NCMAP: variants seen among roughly 807,000 people sequenced by gnomAD.
NCMAP encodes the protein non-compact myelin associated protein.
NCMAP carries 8 observed loss-of-function variants against 7.8 expected under a neutral mutation model. The ratio of observed to expected loss-of-function variants is 1.02; its 90% CI spans 0.60 to 1.84. The LOEUF (loss-of-function observed/expected upper bound fraction) is 1.84. NCMAP is among the 40% of genes most tolerant of loss of function. NCMAP has a pLI of 0.00. For missense variants in NCMAP, 112 were observed against 131.4 expected, an observed-to-expected ratio of 0.85 and a Z score of 0.72; for synonymous variants, 41 against 52.9, an observed-to-expected ratio of 0.78 and a Z score of 0.98.
At chr1:24,563,644 T>C (rs1273601159) in intron 1 of NCMAP, 1 of 152,028 alleles carries the variant, frequency 6.6e-6, no homozygotes, top group Non-Finnish European at 1.5e-5. Context: ...CAGCTTCCCA[T>C]ATTTACAGGA....
intron 1 of NCMAP, 58 bp from the exon 2 acceptor site, chr1:24,595,366 G>T: frequency 8.2e-7 from 1 of 1,225,292 alleles, no homozygotes; most frequent in Non-Finnish European, 1.2e-6. Flanking sequence ...GAGGCATCAA[G>T]TAGCAATAAT....
At chr1:24,560,212 C>T (rs1651010133) in intron 1 of NCMAP, among the ~76,000 whole-genome samples, 1 of 148,178 alleles carries the variant, frequency 6.7e-6, no homozygotes. Context: ...TCTGAAGAAA[C>T]TTGTGTCTGG....
At position 24,595,527 on chromosome 1, in the gene NCMAP, G is replaced by T. The variant is rs1450810806; in HGVS notation, c.82+15G>T. On this transcript the variant is annotated intron_variant, in intron 2 of 3. Coordinates refer to ENST00000374392, the MANE Select transcript of NCMAP (RefSeq NM_001010980.5). Reference sequence around the variant, plus strand: ...CCTGTATAAGAGTAAGGTCAAATTCGCTTAGAGGCTGGGGGAAGGATGGCA... The same window carrying T: ...CCTGTATAAGAGTAAGGTCAAATTCTCTTAGAGGCTGGGGGAAGGATGGCA... 1.3e-6 allele frequency: 2 copies of T among 1,593,118 alleles called. No individual in the cohort carries two copies. Among genetic ancestry groups the T allele is most frequent in the Non-Finnish European group, 1.7e-6 (2 of 1,161,264 alleles).
Position 24,605,806 on chromosome 1 carries a change from A to G in NCMAP, c.*59A>G, listed in dbSNP as rs1652706561. 6.3e-7 allele frequency: 1 copy of G among 1,588,198 alleles called. No homozygotes were observed. Among genetic ancestry groups the G allele is most frequent in the South Asian group, 1.1e-5 (1 of 89,904 alleles). On this transcript the variant is annotated 3_prime_UTR_variant, in exon 4 of 4. Coordinates refer to ENST00000374392, the MANE Select transcript of NCMAP (RefSeq NM_001010980.5). Reference sequence around the variant, plus strand: ...AAGAGCCTCTCCAGAGTCAAGACCCAGAGGCACACTCTCTGGCAGCTTCAC... The same window carrying G: ...AAGAGCCTCTCCAGAGTCAAGACCCGGAGGCACACTCTCTGGCAGCTTCAC...
At chr1:24,565,585 T>C (rs1002381908) in intron 1 of NCMAP, among the ~76,000 whole-genome samples, 1 of 122,556 alleles carries the variant, frequency 8.2e-6, no homozygotes, top group African/African-American at 3.3e-5. Context: ...TGTGTGTGTG[T>C]GTGTGTGTGT....
Position 24,578,541 on chromosome 1 carries a change from G to GTTTTCT in NCMAP, c.-7-16874_-7-16869dup, listed in dbSNP as rs1349094947. On this transcript the variant is annotated intron_variant, in intron 1 of 3. Coordinates refer to ENST00000374392, the MANE Select transcript of NCMAP (RefSeq NM_001010980.5). ...TAAGCCTGTTGGGGGAGGGAGCTTA[G>GTTTTCT]TTTTCTTTTTCTTTCTTTCTTTTTT... 1.9e-4 allele frequency among the ~76,000 whole-genome samples: 26 copies of GTTTTCT among 139,672 alleles called. 1 individual carries two copies. Among genetic ancestry groups the GTTTTCT allele is most frequent in the African/African-American group, 7.6e-4 (26 of 34,136 alleles). 91.6% of individuals were successfully genotyped at this position (139,672 alleles called of 152,430 possible).
intron 1 of NCMAP, among the ~76,000 whole-genome samples, chr1:24,565,495 T>C (rs917279689): frequency 5.3e-5 from 8 of 152,136 alleles, no homozygotes; most frequent in Admixed American, 5.2e-4. Context: ...GACATTGATC[T>C]ATTTCATCTA....
chr1:24,564,825 A>G (rs1231720509), intron 1 of NCMAP, among the ~76,000 whole-genome samples: 1 of 152,178 alleles, frequency 6.6e-6, no homozygotes, highest in Non-Finnish European at 1.5e-5. Flanking sequence ...CTGGGTTGGC[A>G]TTATTCTTCT....
At chr1:24,566,305 A>T (rs975411507) in intron 1 of NCMAP, among the ~76,000 whole-genome samples, 1 of 152,166 alleles carries the variant, frequency 6.6e-6, no homozygotes, top group Non-Finnish European at 1.5e-5. Context: ...CTAGTGGTCT[A>T]AGCAGTCACA....
intron 1 of NCMAP, among the ~76,000 whole-genome samples, chr1:24,580,609 C>G (rs1651716478): frequency 1.3e-5 from 2 of 152,154 alleles, no homozygotes; most frequent in South Asian, 4.1e-4. Context: ...CACCACCACA[C>G]CTGGCTAATT....
At chr1:24,584,272 GCT>G (rs1651819641) in intron 1 of NCMAP, among the ~76,000 whole-genome samples, 1 of 152,158 alleles carries the variant, frequency 6.6e-6, no homozygotes. Flanking sequence ...TCACATTCTA[GCT>G]CTCAGTCAAT....
Position 24,567,414 on chromosome 1 carries a change from G to A in NCMAP, c.-8+11245G>A, listed in dbSNP as rs529779129. Reference sequence around the variant, plus strand: ...AGATAGGAGGAGAGGCTTTGGGCAGGTCTTGGAGAAAAAGGAAACTGACAT... The same window carrying A: ...AGATAGGAGGAGAGGCTTTGGGCAGATCTTGGAGAAAAAGGAAACTGACAT... On this transcript the variant is annotated intron_variant, in intron 1 of 3. Coordinates refer to ENST00000374392, the MANE Select transcript of NCMAP (RefSeq NM_001010980.5). 3.9e-5 allele frequency among the ~76,000 whole-genome samples: 6 copies of A among 152,270 alleles called. No individual in the cohort carries two copies. In the South Asian group the frequency reaches 1.2e-3, roughly 32 times the overall value.
At chr1:24,597,289 T>A (rs1652261893) in intron 2 of NCMAP, among the ~76,000 whole-genome samples, 2 of 151,910 alleles carry the variant, frequency 1.3e-5, no homozygotes, top group Non-Finnish European at 2.9e-5. Flanking sequence ...GTGGATTACC[T>A]GAGGTTGGGA....
At chr1:24,605,238 A>C (rs905905521) in intron 3 of NCMAP, among the ~76,000 whole-genome samples, 2 of 152,214 alleles carry the variant, frequency 1.3e-5, no homozygotes, top group Admixed American at 6.6e-5. Flanking sequence ...AAAGTTCTTA[A>C]ATATTTCTAG....
intron 1 of NCMAP, among the ~76,000 whole-genome samples, chr1:24,592,709 G>T (rs1174715932): frequency 6.6e-6 from 1 of 152,012 alleles, no homozygotes; most frequent in Admixed American, 6.6e-5. Context: ...ATGAGGTCAG[G>T]AGATCGAGAC....
chr1:24,597,381 G>A (rs982804960), intron 2 of NCMAP, among the ~76,000 whole-genome samples: 7 of 151,136 alleles, frequency 4.6e-5, no homozygotes, highest in African/African-American at 1.7e-4. Flanking sequence ...GTGCATACCT[G>A]TAGTCCTAGC....
chr1:24,567,983 G>A (rs954824645), intron 1 of NCMAP, among the ~76,000 whole-genome samples: 6 of 151,968 alleles, frequency 3.9e-5, no homozygotes, highest in African/African-American at 1.2e-4. Flanking sequence ...GTTCCGCGAC[G>A]CCCTGGCCGT....
rs1023199601 is a variant in NCMAP, at chr1:24,607,399, A to G, written c.*1652A>G. On this transcript the variant is annotated 3_prime_UTR_variant, in exon 4 of 4. Coordinates refer to ENST00000374392, the MANE Select transcript of NCMAP (RefSeq NM_001010980.5). ...TTCTGAAATCAGAACATATCTTGCA[A>G]TTGATGGGTTCATTAATATAATTGT... is the stretch of plus-strand genomic sequence containing the variant. 4.6e-5 allele frequency: 7 copies of G among 152,146 alleles called. No individual in the cohort carries two copies. The highest frequency in any genetic ancestry group is 1.7e-4 in the African/African-American group (7 of 41,424). The allele number at this position is 152,146 out of a possible 1,614,324, so 9.4% of individuals were successfully genotyped here.
chr1:24,568,820 G>A (rs182287511), intron 1 of NCMAP, among the ~76,000 whole-genome samples: 99 of 152,110 alleles, frequency 6.5e-4, no homozygotes, highest in Non-Finnish European at 1.3e-3. Flanking sequence ...CAGGGGTCTC[G>A]ATATATTGCC....
Sources: gnomAD v4.1 joint callset for allele counts (sites outside exome capture counted in the v4.1 genomes callset) on GRCh38, gnomAD v4.1.1 for gene constraint, MANE v1.5 for transcripts, NCBI Gene and HGNC (gene_info 2026-07-23, HGNC 2026-07-21) for gene names.